Variants in EIF4A1 observed in about 807,000 individuals in gnomAD.
EIF4A1 encodes the protein eukaryotic initiation factor 4A-I.
A neutral mutation model predicts 53.5 loss-of-function variants in EIF4A1; 11 were observed. The ratio of observed to expected loss-of-function variants is 0.21; its 90% CI spans 0.13 to 0.34. The LOEUF (loss-of-function observed/expected upper bound fraction) is 0.34. EIF4A1 is among the 10% of genes least tolerant of loss of function. The probability of loss-of-function intolerance (pLI) is 1.00; values close to 1 mark genes in which losing one functional copy is unlikely to be tolerated. For synonymous variants in EIF4A1, 237 were observed against 186.7 expected (o/e 1.27, Z -2.20); for missense variants, 213 against 530.8 (o/e 0.40, Z 5.88).
chr17:7,576,894 C>T, intron 5 of EIF4A1, 162 bp from the exon 6 acceptor site: 1 of 1,322,420 alleles, frequency 7.6e-7, no homozygotes, highest in Non-Finnish European at 1.1e-6. Context: ...CTTCCCAGGG[C>T]TGTTGTCTGC....
chr17:7,576,867 G>T (rs1567734772), intron 5 of EIF4A1, 175 bp downstream of exon 5: 3 of 1,374,614 alleles, frequency 2.2e-6, no homozygotes, highest in Admixed American at 1.7e-5. Flanking sequence ...TGCCAGTGCA[G>T]CCCTGGCAGT....
intron 1 of EIF4A1, chr17:7,573,163 T>TG (rs1190412328): frequency 8.9e-6 from 5 of 559,562 alleles, no homozygotes; most frequent in Non-Finnish European, 1.6e-5. Context: ...GGTCGCGACC[T>TG]GGCGTGGGAA....
At chr17:7,576,491 C>T (rs1280938421) in intron 4 of EIF4A1, 33 bp from the exon 5 acceptor site, 2 of 1,526,164 alleles carry the variant, frequency 1.3e-6, no homozygotes, top group African/African-American at 1.4e-5. Context: ...ACAGTGGTAA[C>T]TGACATATGA....
In EIF4A1 at chr17:7,578,179, T is replaced by C. The variant is rs1165218069; in HGVS notation, c.1011T>C (p.Asp337=). 1 of 1,614,218 alleles carries C rather than the reference T, an allele frequency of 6.2e-7. No individual in the cohort carries two copies. Among genetic ancestry groups the C allele is most frequent in the Non-Finnish European group, 8.5e-7 (1 of 1,180,036 alleles). ...ITTDLLARGI[D]VQQVSLVINY... is the part of the protein sequence containing the mutation. ...TCTTGACGTAGGCCAGAGGCATTGA[T>C]GTGCAGCAGGTTTCTTTAGTCATCA... is the stretch of plus-strand genomic sequence containing the variant. Residue 337 remains aspartate, a synonymous_variant, in exon 10 of 11, where the codon GAT becomes GAC. Coordinates refer to ENST00000293831, the MANE Select transcript of EIF4A1 (RefSeq NM_001416.4).
chr17:7,573,531 G>A (rs2071355032), intron 1 of EIF4A1: 1 of 154,758 alleles, frequency 6.5e-6, no homozygotes, highest in South Asian at 1.8e-4. Flanking sequence ...CCTTCCTTCG[G>A]GGGTGAGCGG....
intron 5 of EIF4A1, 152 bp downstream of exon 5, chr17:7,576,844 C>A: frequency 6.9e-7 from 1 of 1,438,998 alleles, no homozygotes; most frequent in Non-Finnish European, 9.7e-7. Flanking sequence ...GTCATCTGAG[C>A]CTCTGGCTTC....
rs2071416620 is a variant in EIF4A1, at chr17:7,577,391, C to T, written c.672C>T (p.Thr224=). Residue 224 remains threonine (T), a synonymous_variant, in exon 7 of 11, where the codon ACC becomes ACT. Transcript: ENST00000293831. This position sits in a 1 kb window ranked among gnomAD's most constrained non-coding sequence, Gnocchi z 4.7. ...ATMPSDVLEV[T]KKFMRDPIRI... ...TGCCTTCTGATGTGCTTGAGGTGAC[C>T]AAGAAGTTCATGAGGGACCCCATTC... 2.5e-6 allele frequency: 4 copies of T among 1,614,012 alleles called. No homozygotes were observed. In the South Asian group the frequency reaches 4.4e-5, roughly 18 times the overall value.
In EIF4A1 at chr17:7,577,917, G is replaced by T; in HGVS notation, c.996+1G>T. ...AGTTTTGATTACCACTGACCTGCTGGTGAGTAGAGGGAACTGATAGCAAAG... is the reference window on the plus strand; with the variant it reads ...AGTTTTGATTACCACTGACCTGCTGTTGAGTAGAGGGAACTGATAGCAAAG... On this transcript the variant is annotated splice_donor_variant, in intron 9 of 10. Transcript: ENST00000293831. LOFTEE classifies it high-confidence loss of function. This position sits in a 1 kb window ranked among gnomAD's most constrained non-coding sequence, Gnocchi z 4.7. The T allele has an allele frequency of 6.2e-7, 1 of 1,614,200 alleles. No individual in the cohort carries two copies. Among genetic ancestry groups the T allele is most frequent in the Non-Finnish European group, 8.5e-7 (1 of 1,180,032 alleles).
chr17:7,576,317 G>A, intron 4 of EIF4A1: 1 of 528,068 alleles, frequency 1.9e-6, no homozygotes. Context: ...TCAGGAACCA[G>A]ACTGAGTTGA....
At position 7,573,241 on chromosome 17, in the gene EIF4A1, G is replaced by A. The variant is rs376329070; in HGVS notation, c.23+377G>A. ...GCAGGTCCGGTTGCCTCCCTGTGCC[G>A]GGGGAGGGACGGCGCGCGGGGTTCC... On this transcript the variant is annotated intron_variant, in intron 1 of 10. Coordinates refer to ENST00000293831, the MANE Select transcript of EIF4A1 (RefSeq NM_001416.4). The A allele has an allele frequency of 2.6e-5, 10 of 388,012 alleles. No homozygotes were observed. In the East Asian group the frequency reaches 4.4e-4, roughly 17 times the overall value. The allele number at this position is 388,012 out of a possible 1,614,324, so 24.0% of individuals were successfully genotyped here.
intron 4 of EIF4A1, chr17:7,576,289 TTGTGAATCAC>T: frequency 2.4e-6 from 1 of 412,176 alleles, no homozygotes; most frequent in Non-Finnish European, 4.3e-6. Context: ...AGCGGCCTCA[TTGTGAATCAC>T]TGTACACTCA....
chr17:7,578,039 C>T (rs746596339), intron 9 of EIF4A1, 123 bp downstream of exon 9: 5 of 1,567,080 alleles, frequency 3.2e-6, no homozygotes, highest in South Asian at 1.1e-5. Context: ...TGCCTAAGGC[C>T]TTTGGGGAAC....
Position 7,578,487 on chromosome 17 carries a change from G to A in EIF4A1, c.*1G>A. 6.3e-7 allele frequency: 1 copy of A among 1,586,096 alleles called. No individual in the cohort carries two copies. The highest frequency in any genetic ancestry group is 2.3e-5 in the East Asian group (1 of 44,432). ...CCTCAATGTTGCTGACCTCATCTGA[G>A]GGGCTGTCCTGCCACCCAGCCCCAG... On this transcript the variant is annotated 3_prime_UTR_variant, in exon 11 of 11. Transcript: ENST00000293831.
At position 7,575,412 on chromosome 17, in the gene EIF4A1, C is replaced by G. The variant is rs1381889216; in HGVS notation, c.345+154C>G. The G allele has an allele frequency of 2.7e-6, 3 of 1,128,764 alleles. No homozygotes were observed. In the East Asian group the frequency reaches 7.6e-5, roughly 29 times the overall value. 69.9% of individuals were successfully genotyped at this position (1,128,764 alleles called of 1,614,324 possible). ...CTGCTGGGTTAATTAAAAGCTATTT[C>G]TTACCCAAACGTAACCATTGCTTCC... is the stretch of plus-strand genomic sequence containing the variant. On this transcript the variant is annotated intron_variant, in intron 4 of 10. Transcript: ENST00000293831.
chr17:7,578,253 A>G lies in EIF4A1; in HGVS notation c.1076+9A>G, dbSNP rs2071429553. Reference sequence around the variant, plus strand: ...GAAAACTATATCCACAGGTAAGCGTAGATCTGGAACACTCCCCTACCCCTT... The same window carrying G: ...GAAAACTATATCCACAGGTAAGCGTGGATCTGGAACACTCCCCTACCCCTT... On this transcript the variant is annotated intron_variant, in intron 10 of 10. Coordinates refer to ENST00000293831, the MANE Select transcript of EIF4A1 (RefSeq NM_001416.4). The G allele has an allele frequency of 3.7e-6, 6 of 1,614,194 alleles. No individual in the cohort carries two copies. Among genetic ancestry groups the G allele is most frequent in the Non-Finnish European group, 5.1e-6 (6 of 1,180,028 alleles).
Position 7,576,510 on chromosome 17 carries a change from C to G in EIF4A1, c.346-14C>G, listed in dbSNP as rs771279960. Reference sequence around the variant, plus strand: ...TGGTAACTGACATATGAGCACCTGCCTCTCTCTGCTCAGATACAGAAGGTG... The same window carrying G: ...TGGTAACTGACATATGAGCACCTGCGTCTCTCTGCTCAGATACAGAAGGTG... On this transcript the variant is annotated splice_polypyrimidine_tract_variant and intron_variant, in intron 4 of 10. Coordinates refer to ENST00000293831, the MANE Select transcript of EIF4A1 (RefSeq NM_001416.4). 1 of 1,548,628 alleles carries G rather than the reference C, an allele frequency of 6.5e-7. No homozygotes were observed. Among genetic ancestry groups the G allele is most frequent in the East Asian group, 2.3e-5 (1 of 43,472 alleles).
At position 7,574,105 on chromosome 17, in the gene EIF4A1, C is replaced by G. The variant is rs556090453; in HGVS notation, c.24-155C>G. On this transcript the variant is annotated intron_variant, in intron 1 of 10. Transcript: ENST00000293831. ...GGCAAATGCCTCAGTTTTATAGAAA[C>G]TCCTCCTTTGGGTATTTTTTGGGAG... The G allele has an allele frequency of 4.8e-6, 4 of 827,068 alleles. No homozygotes were observed. The East Asian group carries it at 1.1e-4, about 22-fold the overall frequency. The allele number at this position is 827,068 out of a possible 1,614,324, so 51.2% of individuals were successfully genotyped here.
chr17:7,573,785 A>AG (rs200886809), intron 1 of EIF4A1: 59 of 128,962 alleles, frequency 4.6e-4, no homozygotes, highest in South Asian at 3.1e-3. Flanking sequence ...GGGCAACGCG[A>AG]GGGGGGGGCT....
At chr17:7,572,929 CG>C (rs2071342824) in intron 1 of EIF4A1, 65 bp downstream of exon 1, 8 of 1,613,656 alleles carry the variant, frequency 5.0e-6, no homozygotes, top group Middle Eastern at 1.7e-4. Context: ...ACGGGCCCGC[CG>C]GGGGTAGCTG....
Sources: allele counts gnomAD v4.1 joint callset, GRCh38; gene constraint gnomAD v4.1.1; non-coding constraint Gnocchi (gnomAD v3.1); transcripts MANE v1.5; gene names NCBI Gene and HGNC (gene_info 2026-07-23, HGNC 2026-07-21).